Variants in CSMD1 observed in about 807,000 individuals in gnomAD.
CSMD1 encodes CUB and Sushi multiple domains 1, also known as CUB and sushi domain-containing protein 1.
Under a neutral mutation model 417.5 loss-of-function variants are expected in CSMD1, and 213 were observed. The ratio of observed to expected loss-of-function variants is 0.51; its 90% CI spans 0.46 to 0.57. CSMD1 has a LOEUF of 0.57. CSMD1 is among the 20% of genes least tolerant of loss of function. The pLI is 0.00. For missense variants in CSMD1, 6,923 were observed against 4,529.7 expected, an observed-to-expected ratio of 1.53 and a Z score of -15.17; for synonymous variants, 2,862 against 1,736.8, an observed-to-expected ratio of 1.65 and a Z score of -16.11.
chr8:4,099,864 T>A (rs1801215938), intron 3 of CSMD1, among the ~76,000 whole-genome samples: 1 of 152,126 alleles, frequency 6.6e-6, no homozygotes, highest in Admixed American at 6.5e-5. Flanking sequence ...TTTCCGTTTA[T>A]TTAAGTTTTA....
At chr8:4,416,000 C>G (rs987716077) in intron 3 of CSMD1, among the ~76,000 whole-genome samples, 5 of 152,134 alleles carry the variant, frequency 3.3e-5, no homozygotes, top group African/African-American at 9.7e-5. Context: ...TTCACTTTCT[C>G]TACGTGATAA....
At chr8:4,724,674 G>C (rs867107794) in intron 1 of CSMD1, among the ~76,000 whole-genome samples, 1 of 151,924 alleles carries the variant, frequency 6.6e-6, no homozygotes, top group Non-Finnish European at 1.5e-5. Context: ...AACTTGCTTT[G>C]TATTTTAAAT....
At chr8:3,663,779 T>C (rs1563248271) in intron 7 of CSMD1, among the ~76,000 whole-genome samples, 1 of 152,178 alleles carries the variant, frequency 6.6e-6, no homozygotes, top group Non-Finnish European at 1.5e-5. Flanking sequence ...CATATGCTGA[T>C]TGATGTCTCA....
At chr8:4,034,886 A>C (rs1360874513) in intron 3 of CSMD1, among the ~76,000 whole-genome samples, 1 of 152,174 alleles carries the variant, frequency 6.6e-6, no homozygotes, top group Non-Finnish European at 1.5e-5. Context: ...CTATCAAATA[A>C]ATCTGCTAAA....
intron 12 of CSMD1, among the ~76,000 whole-genome samples, chr8:3,447,950 C>G (rs1035537522): frequency 1.3e-5 from 2 of 152,120 alleles, no homozygotes; most frequent in Non-Finnish European, 2.9e-5. Context: ...AGACACCCCA[C>G]ATGGGACAGA....
chr8:4,595,018 C>G (rs1388658431), intron 2 of CSMD1, among the ~76,000 whole-genome samples: 1 of 152,164 alleles, frequency 6.6e-6, no homozygotes, highest in Non-Finnish European at 1.5e-5. Flanking sequence ...CTGGAATATA[C>G]TGGATTCCTT....
At chr8:2,949,779 T>C (rs560220318) in intron 67 of CSMD1, among the ~76,000 whole-genome samples, 11 of 152,184 alleles carry the variant, frequency 7.2e-5, no homozygotes, top group Non-Finnish European at 1.6e-4. Context: ...TACCCTTAAG[T>C]CAGATAGTAA....
At chr8:4,032,205 C>A (rs547254861) in intron 3 of CSMD1, 106 bp from the exon 4 acceptor site, 3 of 731,058 alleles carry the variant, frequency 4.1e-6, no homozygotes, top group Non-Finnish European at 6.5e-6. Context: ...AATGAGAAAA[C>A]CTCTAGCATC....
At chr8:4,244,299 G>A (rs950155140) in intron 3 of CSMD1, among the ~76,000 whole-genome samples, 3 of 152,138 alleles carry the variant, frequency 2.0e-5, no homozygotes, top group Non-Finnish European at 4.4e-5. Context: ...GAAACACTAT[G>A]CAGTCTTGTC....
chr8:4,098,377 AAATTT>A (rs1345403501), intron 3 of CSMD1, among the ~76,000 whole-genome samples: 1 of 151,050 alleles, frequency 6.6e-6, no homozygotes, highest in Non-Finnish European at 1.5e-5. Context: ...TTTTTCTACA[AAATTT>A]AATTTTCCAA....
chr8:4,233,591 G>A (rs571581943), intron 3 of CSMD1, among the ~76,000 whole-genome samples: 11 of 152,064 alleles, frequency 7.2e-5, no homozygotes, highest in Non-Finnish European at 1.6e-4. Context: ...CTATGAACCA[G>A]GAAATGATCC....
chr8:4,611,981 T>G (rs547038080), intron 2 of CSMD1, among the ~76,000 whole-genome samples: 74 of 152,272 alleles, frequency 4.9e-4, no homozygotes, highest in African/African-American at 1.6e-3. Flanking sequence ...TTTTTCCTCC[T>G]AAGTGCTCAG....
At chr8:4,175,507 A>T (rs966483289) in intron 3 of CSMD1, among the ~76,000 whole-genome samples, 90 of 152,312 alleles carry the variant, frequency 5.9e-4, no homozygotes, top group African/African-American at 2.2e-3. Context: ...CATTACACAA[A>T]GACAACTGAT....
chr8:4,026,982 T>C (rs1797095628), intron 4 of CSMD1, among the ~76,000 whole-genome samples: 1 of 152,200 alleles, frequency 6.6e-6, no homozygotes, highest in South Asian at 2.1e-4. Context: ...CCAATTCTTA[T>C]GCTGTAGTCC....
chr8:4,876,216 G>A (rs1052852430), intron 1 of CSMD1, among the ~76,000 whole-genome samples: 9 of 152,012 alleles, frequency 5.9e-5, no homozygotes, highest in African/African-American at 1.9e-4. Flanking sequence ...CACTTTTGGA[G>A]CTCAGTCTTT....
intron 10 of CSMD1, among the ~76,000 whole-genome samples, chr8:3,506,193 C>T (rs896598188): frequency 2.0e-5 from 3 of 152,066 alleles, no homozygotes; most frequent in Non-Finnish European, 4.4e-5. Context: ...CACCCCCAGC[C>T]CCAGGACGAG....
chr8:3,448,429 A>AGGGAGGGAGGAG (rs1158622190), intron 12 of CSMD1, among the ~76,000 whole-genome samples: 1 of 149,050 alleles, frequency 6.7e-6, no homozygotes, highest in African/African-American at 2.5e-5. Context: ...GGAAGGAAGA[A>AGGGAGGGAGGAG]GGAGCAATGA....
chr8:3,170,877 A>G (rs912455939), intron 37 of CSMD1, among the ~76,000 whole-genome samples: 18 of 152,356 alleles, frequency 1.2e-4, no homozygotes, highest in East Asian at 7.7e-4. Flanking sequence ...ACATCACATG[A>G]AAAGAAACGA....
intron 2 of CSMD1, among the ~76,000 whole-genome samples, chr8:4,454,208 C>T (rs1036165842): frequency 1.3e-5 from 2 of 152,102 alleles, no homozygotes; most frequent in African/African-American, 2.4e-5. Flanking sequence ...AACTCCGTGT[C>T]TCCTTATCCA....
Sources: gnomAD v4.1 joint callset for allele counts (sites outside exome capture counted in the v4.1 genomes callset) on GRCh38, gnomAD v4.1.1 for gene constraint, MANE v1.5 for transcripts, NCBI Gene and HGNC (gene_info 2026-07-23, HGNC 2026-07-21) for gene names.